The following GALNTL6 variants were observed in gnomAD, a reference collection of about 807,000 sequenced individuals.
The protein encoded by GALNTL6 is polypeptide N-acetylgalactosaminyltransferase like 6, also known as polypeptide N-acetylgalactosaminyltransferase-like 6.
GALNTL6 carries 46 observed loss-of-function variants against 73.7 expected under a neutral mutation model. The observed-to-expected ratio is 0.62, with a 90% confidence interval of 0.49 to 0.80. The LOEUF is 0.80. Among genes scored for constraint, GALNTL6 ranks in the 30% least tolerant of loss-of-function variants. The pLI, the probability that GALNTL6 is intolerant of heterozygous loss-of-function variation, is 0.00. For missense variants in GALNTL6, 604 were observed against 755.0 expected, an observed-to-expected ratio of 0.80 and a Z score of 2.34; for synonymous variants, 259 against 263.7, an observed-to-expected ratio of 0.98 and a Z score of 0.17.
At chr4:172,852,096 C>A (rs1214563532) in intron 7 of GALNTL6, among the ~76,000 whole-genome samples, 1 of 152,140 alleles carries the variant, frequency 6.6e-6, no homozygotes, top group African/African-American at 2.4e-5. Context: ...CTAGGCATTG[C>A]CCACTGGTTG....
At chr4:172,368,178 A>G (rs1742638877) in intron 5 of GALNTL6, among the ~76,000 whole-genome samples, 1 of 152,158 alleles carries the variant, frequency 6.6e-6, no homozygotes, top group Non-Finnish European at 1.5e-5. Flanking sequence ...CAGGAGTTCA[A>G]AACTAGTCTA....
intron 4 of GALNTL6, among the ~76,000 whole-genome samples, chr4:172,317,641 T>A (rs1003938949): frequency 5.3e-5 from 8 of 152,330 alleles, no homozygotes; most frequent in Non-Finnish European, 1.0e-4. Context: ...TATAAATAGT[T>A]TTTATTTTAT....
At position 172,568,497 on chromosome 4, in the gene GALNTL6, T is replaced by C. The variant is rs546902920; in HGVS notation, c.553+219808T>C. Among the ~76,000 whole-genome samples, 740 of 151,994 alleles carry C rather than the reference T, an allele frequency of 4.9e-3. 2 individuals are homozygous for C. The highest frequency in any genetic ancestry group is 0.01 in the Middle Eastern group (3 of 294). ...ATGGGCCGGGCGCGGTGGCTCACGCTTGTAATCCCAGCACTTTGGGAGGCC... is the reference window on the plus strand; with the variant it reads ...ATGGGCCGGGCGCGGTGGCTCACGCCTGTAATCCCAGCACTTTGGGAGGCC... On this transcript the variant is annotated intron_variant, in intron 5 of 12. Transcript: ENST00000506823.
At chr4:172,394,377 G>A (rs1743770764) in intron 5 of GALNTL6, among the ~76,000 whole-genome samples, 2 of 150,798 alleles carry the variant, frequency 1.3e-5, no homozygotes, top group South Asian at 4.2e-4. Context: ...CAACAAAAAA[G>A]CCATATATAC....
At chr4:172,887,815 C>T (rs192268018) in intron 8 of GALNTL6, among the ~76,000 whole-genome samples, 24 of 152,180 alleles carry the variant, frequency 1.6e-4, no homozygotes, top group South Asian at 2.1e-4. Context: ...CTGCCTGCCT[C>T]GGCCTCCCAA....
intron 2 of GALNTL6, among the ~76,000 whole-genome samples, chr4:171,950,894 T>C (rs1443082464): frequency 6.6e-6 from 1 of 152,054 alleles, no homozygotes; most frequent in Non-Finnish European, 1.5e-5. Context: ...GTACAGAATT[T>C]AAAACTGATA....
chr4:172,605,351 T>C (rs1474876030), intron 5 of GALNTL6, among the ~76,000 whole-genome samples: 3 of 152,164 alleles, frequency 2.0e-5, no homozygotes, highest in Non-Finnish European at 4.4e-5. Context: ...GTGCTGTGCA[T>C]GGTGATAATC....
At chr4:172,061,233 C>T (rs1731190345) in intron 2 of GALNTL6, among the ~76,000 whole-genome samples, 1 of 151,776 alleles carries the variant, frequency 6.6e-6, no homozygotes, top group East Asian at 1.9e-4. Flanking sequence ...CTCCCTTCAT[C>T]CTTTTCACCT....
At chr4:172,839,162 C>T (rs971134765) in intron 7 of GALNTL6, among the ~76,000 whole-genome samples, 2 of 152,212 alleles carry the variant, frequency 1.3e-5, no homozygotes, top group African/African-American at 2.4e-5. Flanking sequence ...AACCCACACC[C>T]TTTGGGAGGG....
intron 2 of GALNTL6, among the ~76,000 whole-genome samples, chr4:171,923,404 T>G (rs1737855074): frequency 6.7e-6 from 1 of 149,290 alleles, no homozygotes. Flanking sequence ...CTTTGTTTTT[T>G]TTTTTTTTTT....
At chr4:172,711,173 C>G (rs1734679339) in intron 5 of GALNTL6, among the ~76,000 whole-genome samples, 1 of 152,124 alleles carries the variant, frequency 6.6e-6, no homozygotes, top group Non-Finnish European at 1.5e-5. Context: ...TCAAAAATCA[C>G]CTACGTGACA....
chr4:172,215,495 C>G (rs1312363921), intron 2 of GALNTL6, among the ~76,000 whole-genome samples: 1 of 152,062 alleles, frequency 6.6e-6, no homozygotes, highest in Non-Finnish European at 1.5e-5. Context: ...TTCCTCTCTT[C>G]TTGTGAAGTC....
At chr4:172,319,634 A>G (rs1341024798) in intron 4 of GALNTL6, among the ~76,000 whole-genome samples, 3 of 152,200 alleles carry the variant, frequency 2.0e-5, no homozygotes, top group African/African-American at 4.8e-5. Context: ...GTATTTTTCA[A>G]TAACAAATGT....
intron 3 of GALNTL6, among the ~76,000 whole-genome samples, chr4:172,290,560 A>T (rs1739429446): frequency 1.3e-5 from 2 of 152,080 alleles, no homozygotes; most frequent in African/African-American, 4.8e-5. Context: ...TGGCTCTCCA[A>T]GTTATATAGT....
At chr4:172,445,005 G>A (rs909907378) in intron 5 of GALNTL6, among the ~76,000 whole-genome samples, 4 of 152,040 alleles carry the variant, frequency 2.6e-5, no homozygotes, top group Non-Finnish European at 4.4e-5. Context: ...ATTAAGCTAT[G>A]AATTTAGGGA....
chr4:172,642,648 C>T (rs1740043397), intron 5 of GALNTL6, among the ~76,000 whole-genome samples: 1 of 151,818 alleles, frequency 6.6e-6, no homozygotes, highest in East Asian at 1.9e-4. Context: ...TACTTTAAAA[C>T]ATGGTCACTA....
intron 5 of GALNTL6, among the ~76,000 whole-genome samples, chr4:172,759,922 T>C (rs6553656): frequency 0.96 from 140,537 of 146,038 alleles, 67,836 homozygotes; most frequent in East Asian, 1. Context: ...CTGCAAGCTC[T>C]GCTTCCCGGG....
chr4:172,633,642 T>C (rs1197331188), intron 5 of GALNTL6, among the ~76,000 whole-genome samples: 1 of 152,172 alleles, frequency 6.6e-6, no homozygotes, highest in Non-Finnish European at 1.5e-5. Flanking sequence ...GGGGATCTAT[T>C]GGGAAGGCAT....
At chr4:172,064,593 A>G (rs969520364) in intron 2 of GALNTL6, among the ~76,000 whole-genome samples, 2 of 152,198 alleles carry the variant, frequency 1.3e-5, no homozygotes, top group East Asian at 3.9e-4. Context: ...AATCATTAAG[A>G]TAGGATTTTT....
Sources: gnomAD v4.1 joint callset for allele counts (sites outside exome capture counted in the v4.1 genomes callset) on GRCh38, gnomAD v4.1.1 for gene constraint, MANE v1.5 for transcripts, NCBI Gene and HGNC (gene_info 2026-07-23, HGNC 2026-07-21) for gene names.